LRRTM4: variants seen among roughly 807,000 people sequenced by gnomAD.
LRRTM4 encodes leucine-rich repeat transmembrane neuronal protein 4.
In LRRTM4, 25 loss-of-function variants were observed where a neutral mutation model predicts 47.6. The ratio of observed to expected loss-of-function variants is 0.53; its 90% confidence interval spans 0.38 to 0.73. The LOEUF is 0.73. Among genes scored for constraint, LRRTM4 ranks in the 30% least tolerant of loss-of-function variants. The pLI is 0.00. For synonymous variants in LRRTM4, 311 were observed against 269.5 expected (o/e 1.15, Z -1.51); for missense variants, 638 against 713.4 (o/e 0.89, Z 1.20).
chr2:77,403,483 A>G (rs1674046830), intron 3 of LRRTM4, among the ~76,000 whole-genome samples: 1 of 151,970 alleles, frequency 6.6e-6, no homozygotes, highest in African/African-American at 2.4e-5. Context: ...ATGAGAAGTA[A>G]AGAAAATTGA....
intron 3 of LRRTM4, among the ~76,000 whole-genome samples, chr2:76,933,997 T>C (rs1271121637): frequency 6.6e-6 from 1 of 152,156 alleles, no homozygotes; most frequent in East Asian, 1.9e-4. Context: ...AGAAATAACA[T>C]CTTCAAGTCA....
intron 3 of LRRTM4, among the ~76,000 whole-genome samples, chr2:77,074,293 T>C (rs1200531080): frequency 6.6e-6 from 1 of 152,118 alleles, no homozygotes; most frequent in Admixed American, 6.5e-5. Flanking sequence ...CATCCTGTGT[T>C]CTTGGGCATT....
At chr2:77,054,851 A>C (rs1355505641) in intron 3 of LRRTM4, among the ~76,000 whole-genome samples, 1 of 152,244 alleles carries the variant, frequency 6.6e-6, no homozygotes, top group Non-Finnish European at 1.5e-5. Flanking sequence ...AAAAATTGCA[A>C]AATCAGTGGC....
Position 77,113,918 on chromosome 2 carries a change from CG to C in LRRTM4, c.1552-365003del, listed in dbSNP as rs1558586758. Among the ~76,000 whole-genome samples the C allele has an allele frequency of 4.6e-5, 7 of 152,160 alleles. No homozygotes were observed. In the South Asian group the frequency reaches 6.2e-4, roughly 14 times the overall value. On this transcript the variant is annotated intron_variant, in intron 3 of 3. Coordinates refer to ENST00000409884, the MANE Select transcript of LRRTM4 (RefSeq NM_001134745.3). ...ATATATGGCCCAGGGCTGTCCTATT[CG>C]GGGCCGCGGAAGCTGCAAGTAGCGG...
intron 3 of LRRTM4, among the ~76,000 whole-genome samples, chr2:77,400,468 T>G (rs565020164): frequency 6.6e-5 from 10 of 151,994 alleles, no homozygotes; most frequent in African/African-American, 2.4e-4. Flanking sequence ...TAACACGGTC[T>G]GAGTTCAATA....
At chr2:76,988,934 CAAAT>C (rs1005486794) in intron 3 of LRRTM4, among the ~76,000 whole-genome samples, 9 of 151,718 alleles carry the variant, frequency 5.9e-5, no homozygotes, top group African/African-American at 1.9e-4. Context: ...TTTAGCAAAA[CAAAT>C]AACCTCTGAG....
At chr2:77,253,576 C>G (rs1388217551) in intron 3 of LRRTM4, among the ~76,000 whole-genome samples, 1 of 152,008 alleles carries the variant, frequency 6.6e-6, no homozygotes, top group East Asian at 1.9e-4. Context: ...AGAAAAATCT[C>G]AACTTGAAAA....
intron 3 of LRRTM4, among the ~76,000 whole-genome samples, chr2:76,882,061 A>G (rs982090437): frequency 1.3e-5 from 2 of 152,178 alleles, no homozygotes; most frequent in African/African-American, 4.8e-5. Context: ...CTAGTACAAA[A>G]TCCTTTCTCC....
chr2:77,256,040 CAGAG>C (rs1381860827), intron 3 of LRRTM4, among the ~76,000 whole-genome samples: 8 of 151,830 alleles, frequency 5.3e-5, no homozygotes, highest in Non-Finnish European at 5.9e-5. Context: ...CCGAGAGAGA[CAGAG>C]AGAGAACAAA....
intron 3 of LRRTM4, among the ~76,000 whole-genome samples, chr2:77,486,370 G>A (rs1677910590): frequency 6.6e-6 from 1 of 152,030 alleles, no homozygotes; most frequent in Admixed American, 6.5e-5. Flanking sequence ...TTCTATATTT[G>A]TCTGTTTTAG....
intron 3 of LRRTM4, among the ~76,000 whole-genome samples, chr2:76,803,315 A>T (rs1227207929): frequency 1.3e-5 from 2 of 151,322 alleles, no homozygotes; most frequent in African/African-American, 2.5e-5. Context: ...TCAAAATAAG[A>T]CAAACAAATA....
chr2:77,446,293 A>G (rs1184814595), intron 3 of LRRTM4, among the ~76,000 whole-genome samples: 1 of 152,016 alleles, frequency 6.6e-6, no homozygotes, highest in Admixed American at 6.6e-5. Context: ...GTACAGCAGC[A>G]TCTCTAGTCT....
In LRRTM4 at chr2:77,150,397, A is replaced by G. The variant is rs372507977; in HGVS notation, c.1551+367921T>C. Among the ~76,000 whole-genome samples the G allele has an allele frequency of 5.3e-5, 8 of 152,150 alleles. No homozygotes were observed. In the South Asian group the frequency reaches 1.7e-3, roughly 32 times the overall value. On this transcript the variant is annotated intron_variant, in intron 3 of 3. Transcript: ENST00000409884. The stretch of plus-strand genomic sequence containing the variant: ...TTTGCAAAGAAAATGAAGATTCCAT[A>G]ATCCTCTGAATGAAATACTGTATCT...
At chr2:76,984,597 T>C (rs538186259) in intron 3 of LRRTM4, among the ~76,000 whole-genome samples, 9 of 152,076 alleles carry the variant, frequency 5.9e-5, no homozygotes, top group African/African-American at 1.9e-4. Context: ...AACTGTGATA[T>C]GGTGCTGGAG....
chr2:77,179,198 G>A (rs1673282587), intron 3 of LRRTM4, among the ~76,000 whole-genome samples: 1 of 152,146 alleles, frequency 6.6e-6, no homozygotes, highest in Non-Finnish European at 1.5e-5. Context: ...GCAAAACTTA[G>A]ATCTTTGAAT....
intron 3 of LRRTM4, among the ~76,000 whole-genome samples, chr2:76,970,119 C>T (rs1273837971): frequency 1.3e-5 from 2 of 151,916 alleles, no homozygotes; most frequent in East Asian, 3.9e-4. Context: ...AAAATTTAAT[C>T]CTCAGACACA....
At chr2:76,979,717 GAT>G (rs1676540991) in intron 3 of LRRTM4, among the ~76,000 whole-genome samples, 4 of 151,712 alleles carry the variant, frequency 2.6e-5, no homozygotes, top group African/African-American at 9.7e-5. Context: ...TAGATAGATA[GAT>G]AGATAGATGC....
intron 3 of LRRTM4, among the ~76,000 whole-genome samples, chr2:77,286,251 T>C (rs1676654610): frequency 1.3e-5 from 2 of 152,194 alleles, no homozygotes; most frequent in African/African-American, 2.4e-5. Context: ...GAGTTTGTTC[T>C]TCATACTTAT....
intron 3 of LRRTM4, among the ~76,000 whole-genome samples, chr2:76,797,120 C>T (rs958638786): frequency 6.6e-6 from 1 of 151,960 alleles, no homozygotes; most frequent in African/African-American, 2.4e-5. Flanking sequence ...GAGAATGCCA[C>T]AAAGATACTC....
Sources: allele counts gnomAD v4.1 joint callset (sites outside exome capture counted in the v4.1 genomes callset), GRCh38; gene constraint gnomAD v4.1.1; transcripts MANE v1.5; gene names NCBI Gene and HGNC (gene_info 2026-07-23, HGNC 2026-07-21).